PPP2R5C: variants seen among roughly 807,000 people sequenced by gnomAD.
PPP2R5C encodes the protein protein phosphatase 2 regulatory subunit B'gamma.
A neutral mutation model predicts 68.9 loss-of-function variants in PPP2R5C; 7 were observed. The observed-to-expected ratio is 0.10, with a 90% CI of 0.06 to 0.19. The LOEUF (loss-of-function observed/expected upper bound fraction) is 0.19. Ranked by LOEUF, PPP2R5C falls within the 10% of genes least tolerant of loss-of-function variation. PPP2R5C has a pLI of 1.00. For synonymous variants in PPP2R5C, 210 were observed against 222.2 expected, an observed-to-expected ratio of 0.95 and a Z score of 0.49; for missense variants, 348 against 641.3, an observed-to-expected ratio of 0.54 and a Z score of 4.94.
At chr14:101,824,266 C>T in intron 1 of PPP2R5C, 3 of 1,064,362 alleles carry the variant, frequency 2.8e-6, no homozygotes, top group Non-Finnish European at 3.6e-6. Flanking sequence ...AATGATATAG[C>T]ATGAAGTTCT....
chr14:101,836,938 A>G (rs1163150225), intron 1 of PPP2R5C, among the ~76,000 whole-genome samples: 1 of 152,242 alleles, frequency 6.6e-6, no homozygotes, highest in Non-Finnish European at 1.5e-5. Flanking sequence ...ATGATTGAAC[A>G]TTGAAACACA....
chr14:101,777,938 A>AT lies in PPP2R5C; in HGVS notation c.94-8071dup, dbSNP rs997905839. Among the ~76,000 whole-genome samples, 8 of 149,948 alleles carry AT rather than the reference A, an allele frequency of 5.3e-5. No homozygotes were observed. The South Asian group carries it at 6.4e-4, about 12-fold the overall frequency. ...CAGGTGCATGCCACCATACCTGGCT[A>AT]TTTTTTTTTAATGTAGAAAAGGGGT... On this transcript the variant is annotated intron_variant, in intron 2 of 14. Coordinates refer to the PPP2R5C transcript ENST00000328724.
rs555348145 is a variant in PPP2R5C at position 101,845,579 on chromosome 14, G to A, written c.95-11107G>A. 3.3e-5 allele frequency among the ~76,000 whole-genome samples: 5 copies of A among 152,116 alleles called. No individual in the cohort carries two copies. The East Asian group carries it at 7.7e-4, about 23-fold the overall frequency. ...CTGCCTTTTGAAATGAAAAATATCT[G>A]CCTTATTAAATTATACTGTTAATTT... On this transcript the variant is annotated intron_variant, in intron 1 of 13. Coordinates refer to ENST00000334743, the Ensembl canonical transcript of PPP2R5C.
chr14:101,848,232 G>A lies in PPP2R5C; in HGVS notation c.95-8454G>A, dbSNP rs181227608. On this transcript the variant is annotated intron_variant, in intron 1 of 13. Coordinates refer to ENST00000334743, the Ensembl canonical transcript of PPP2R5C. ...AGCATGACACACTATGTAGAGGAAC[G>A]TTAGAAAGTGTGTTGGGGGGCCGGG... Among the ~76,000 whole-genome samples the A allele has an allele frequency of 1.6e-4, 25 of 152,182 alleles. No homozygotes were observed. In the East Asian group the frequency reaches 3.7e-3, roughly 22 times the overall value.
At chr14:101,924,398 T>C (rs2047171833) in intron 13 of PPP2R5C, among the ~76,000 whole-genome samples, 1 of 150,634 alleles carries the variant, frequency 6.6e-6, no homozygotes, top group South Asian at 2.1e-4. Flanking sequence ...AATTTAAATA[T>C]GTTTTTTATT....
At chr14:101,760,694 A>T (rs1595370436), upstream of PPP2R5C, 6 of 928,796 alleles carry the variant, frequency 6.5e-6, no homozygotes, top group Non-Finnish European at 7.4e-6. Flanking sequence ...GATGGGCGGG[A>T]CCTCGCGGGA....
chr14:101,876,002 G>A (rs533067828), intron 2 of PPP2R5C, among the ~76,000 whole-genome samples: 3 of 152,088 alleles, frequency 2.0e-5, no homozygotes, highest in Non-Finnish European at 2.9e-5. Flanking sequence ...TTTTGTATTT[G>A]CTTAATTGTT....
intron 3 of PPP2R5C, among the ~76,000 whole-genome samples, chr14:101,793,431 G>T (rs1248759850): frequency 6.6e-6 from 1 of 152,224 alleles, no homozygotes; most frequent in African/African-American, 2.4e-5. Context: ...GACTGCGTGG[G>T]TGTGGGAACT....
chr14:101,810,563 G>C (rs1413266594), intron 1 of PPP2R5C, among the ~76,000 whole-genome samples: 1 of 152,226 alleles, frequency 6.6e-6, no homozygotes, highest in Non-Finnish European at 1.5e-5. Flanking sequence ...CGTGGAGCCT[G>C]AGAGAGAAAT....
chr14:101,801,387 A>G (rs971267556), intron 3 of PPP2R5C, among the ~76,000 whole-genome samples: 14 of 152,328 alleles, frequency 9.2e-5, no homozygotes, highest in Non-Finnish European at 1.9e-4. Context: ...ATACCACCCA[A>G]TGATGACACT....
At chr14:101,925,260 G>C in exon 14 of PPP2R5C, 1 of 1,613,064 alleles carries the variant, frequency 6.2e-7, no homozygotes, top group Non-Finnish European at 8.5e-7. Flanking sequence ...TGGCCTCCCA[G>C]GACGGCCGCT....
rs968329387 is a variant in PPP2R5C, at chr14:101,781,246, G to T, written c.94-4772G>T. ...TGGTGGTGTCTGGTGCCCAGGAGGA[G>T]GGCTTGTTTACAGCTGCCGTATTTC... On this transcript the variant is annotated intron_variant, in intron 2 of 14. Transcript: ENST00000328724. The surrounding 1 kb of genome is among the most constrained non-coding windows in gnomAD (Gnocchi z 6.4). Among the ~76,000 whole-genome samples, 4 of 152,214 alleles carry T rather than the reference G, an allele frequency of 2.6e-5. No individual in the cohort carries two copies. Among genetic ancestry groups the T allele is most frequent in the Non-Finnish European group, 5.9e-5 (4 of 68,018 alleles).
chr14:101,863,464 TA>T (rs2042874637), intron 2 of PPP2R5C, among the ~76,000 whole-genome samples: 1 of 152,180 alleles, frequency 6.6e-6, no homozygotes, highest in Non-Finnish European at 1.5e-5. Flanking sequence ...ATATAGTTCT[TA>T]TAAACAAAAG....
intron 1 of PPP2R5C, among the ~76,000 whole-genome samples, chr14:101,822,850 A>C (rs1439463936): frequency 1.3e-5 from 2 of 152,252 alleles, no homozygotes; most frequent in Non-Finnish European, 2.9e-5. Context: ...TTATCCAATT[A>C]AATGAACATA....
chr14:101,765,333 C>T, intron 2 of PPP2R5C: 1 of 690,044 alleles, frequency 1.4e-6, no homozygotes, highest in Non-Finnish European at 2.7e-6. Flanking sequence ...CACTTCTGTT[C>T]ATTTGACCTT....
intron 9 of PPP2R5C, among the ~76,000 whole-genome samples, chr14:101,902,540 C>T (rs1219028837): frequency 6.6e-6 from 1 of 152,168 alleles, no homozygotes; most frequent in Non-Finnish European, 1.5e-5. Context: ...ATTGTGCACT[C>T]ATCATGAACA....
rs1237837978 is a variant in PPP2R5C at position 101,879,604 on chromosome 14, C to T, written c.295-2557C>T. On this transcript the variant is annotated intron_variant, in intron 2 of 13. Coordinates refer to ENST00000334743, the Ensembl canonical transcript of PPP2R5C. This position sits in a 1 kb window ranked among gnomAD's most constrained non-coding sequence, Gnocchi z 4.2. ...CCAGAGTTCGTGCCCAGGCTCTGCC[C>T]TCCCCACACTGTGCTCTGCCCCTGT... 6.6e-6 allele frequency among the ~76,000 whole-genome samples: 1 copy of T among 152,210 alleles called. No individual in the cohort carries two copies. Among genetic ancestry groups the T allele is most frequent in the Non-Finnish European group, 1.5e-5 (1 of 68,052 alleles).
chr14:101,871,240 G>T (rs991697388), intron 2 of PPP2R5C, among the ~76,000 whole-genome samples: 1 of 126,944 alleles, frequency 7.9e-6, no homozygotes, highest in African/African-American at 3.5e-5. Context: ...TGTTGTTGTT[G>T]TTGTTGTTGT....
chr14:101,833,863 G>A (rs1436535526), intron 1 of PPP2R5C, among the ~76,000 whole-genome samples: 2 of 152,094 alleles, frequency 1.3e-5, no homozygotes, highest in Non-Finnish European at 2.9e-5. Context: ...GTGCAGTGGC[G>A]CGATCTCAGC....
Sources: allele counts gnomAD v4.1 joint callset (sites outside exome capture counted in the v4.1 genomes callset), GRCh38; gene constraint gnomAD v4.1.1; non-coding constraint Gnocchi (gnomAD v3.1); transcripts MANE v1.5; gene names NCBI Gene and HGNC (gene_info 2026-07-23, HGNC 2026-07-21).